The following SPATS2L variants were observed in gnomAD, a reference collection of about 807,000 sequenced individuals.
SPATS2L encodes the protein spermatogenesis associated serine rich 2 like.
In SPATS2L, 30 loss-of-function variants were observed where a neutral mutation model predicts 59.6. The ratio of observed to expected loss-of-function variants is 0.50; its 90% CI spans 0.38 to 0.68. SPATS2L has a LOEUF of 0.68. Among genes scored for constraint, SPATS2L ranks in the 30% least tolerant of loss-of-function variants. SPATS2L has a pLI of 0.00. For synonymous variants in SPATS2L, 252 were observed against 263.5 expected, an observed-to-expected ratio of 0.96 and a Z score of 0.42; for missense variants, 615 against 700.0, an observed-to-expected ratio of 0.88 and a Z score of 1.37.
At position 200,478,699 on chromosome 2, in the gene SPATS2L, A is replaced by G. The variant is rs1574781460; in HGVS notation, c.*668A>G. 1 of 152,514 alleles carries G rather than the reference A, an allele frequency of 6.6e-6. No individual in the cohort carries two copies. Among genetic ancestry groups the G allele is most frequent in the African/African-American group, 2.4e-5 (1 of 41,426 alleles). The allele number at this position is 152,514 out of a possible 1,614,324, so 9.4% of individuals were successfully genotyped here. A position where few individuals can be genotyped will look rare whatever the true frequency, so the allele number is the denominator to read the frequency against. On this transcript the variant is annotated 3_prime_UTR_variant, in exon 13 of 13. Transcript: ENST00000409140. ...AGGAAAATATATATATGCCCTTTCA[A>G]TTAGATTACACAAATAGATGGATAT...
At chr2:200,340,219 G>C (rs953109389) in intron 2 of SPATS2L, among the ~76,000 whole-genome samples, 1 of 152,080 alleles carries the variant, frequency 6.6e-6, no homozygotes, top group Non-Finnish European at 1.5e-5. Flanking sequence ...TGCTGTGCTC[G>C]CAGAGTTTAT....
chr2:200,372,179 C>T, intron 2 of SPATS2L: 1 of 985,400 alleles, frequency 1.0e-6, no homozygotes, highest in South Asian at 4.7e-5. Context: ...CGGGAAAAGA[C>T]TGCAAAAACA....
chr2:200,382,494 G>A (rs762637791), intron 2 of SPATS2L, among the ~76,000 whole-genome samples: 1 of 152,214 alleles, frequency 6.6e-6, no homozygotes, highest in Non-Finnish European at 1.5e-5. Flanking sequence ...GGGCCTGTCT[G>A]GCCTGAGAAG....
At chr2:200,469,109 A>T (rs751990387) in intron 10 of SPATS2L, among the ~76,000 whole-genome samples, 6 of 152,238 alleles carry the variant, frequency 3.9e-5, no homozygotes, top group Non-Finnish European at 7.3e-5. Flanking sequence ...CTGTGATCAG[A>T]TGAAATGAGA....
rs2081587643 is a variant in SPATS2L at position 200,376,028 on chromosome 2, AG to A, written c.-22-13193del. 2.6e-5 allele frequency among the ~76,000 whole-genome samples: 4 copies of A among 152,370 alleles called. No homozygotes were observed. In the South Asian group the frequency reaches 8.3e-4, roughly 32 times the overall value. On this transcript the variant is annotated intron_variant, in intron 2 of 12. Transcript: ENST00000409140. The stretch of plus-strand genomic sequence containing the variant: ...ATTAAAAATTCATTGCAAGCAAGAC[AG>A]GAAGAATAAAATGAGAGGACATTTA...
At chr2:200,346,097 G>A (rs2080502973) in intron 2 of SPATS2L, among the ~76,000 whole-genome samples, 1 of 152,134 alleles carries the variant, frequency 6.6e-6, no homozygotes. Flanking sequence ...ATCACCCTTG[G>A]CAGATGTCAT....
chr2:200,469,681 C>A (rs17532280), intron 10 of SPATS2L: 114,698 of 466,952 alleles, frequency 0.25, 15,641 homozygotes, highest in Middle Eastern at 0.34. Context: ...TTCATGTAGG[C>A]CCAAACAAGA....
At chr2:200,325,210 A>G (rs1441772419) in intron 1 of SPATS2L, among the ~76,000 whole-genome samples, 1 of 152,138 alleles carries the variant, frequency 6.6e-6, no homozygotes, top group Non-Finnish European at 1.5e-5. Context: ...GAATGACAAC[A>G]TGGAAAATAT....
intron 2 of SPATS2L, among the ~76,000 whole-genome samples, chr2:200,333,940 G>A (rs2080048366): frequency 6.6e-6 from 1 of 152,062 alleles, no homozygotes; most frequent in Non-Finnish European, 1.5e-5. Context: ...CTTTGCTATT[G>A]TGAATAGTGC....
chr2:200,331,732 C>T (rs1265471563), intron 2 of SPATS2L, among the ~76,000 whole-genome samples: 1 of 151,946 alleles, frequency 6.6e-6, no homozygotes, highest in Admixed American at 6.6e-5. Context: ...TAAACAAGCC[C>T]ATATATGGAA....
chr2:200,471,460 C>CTT (rs143956771), intron 11 of SPATS2L, among the ~76,000 whole-genome samples: 3,601 of 152,240 alleles, frequency 0.024, 144 homozygotes, highest in African/African-American at 0.082. Flanking sequence ...CCTTCACCTC[C>CTT]TTTCCTCCTG....
At chr2:200,407,590 T>A (rs867090144) in intron 3 of SPATS2L, among the ~76,000 whole-genome samples, 1 of 152,222 alleles carries the variant, frequency 6.6e-6, no homozygotes. Flanking sequence ...CTTGGAAGGA[T>A]AGACAGGCAG....
At chr2:200,410,045 C>T (rs2082821613) in intron 3 of SPATS2L, among the ~76,000 whole-genome samples, 1 of 152,022 alleles carries the variant, frequency 6.6e-6, no homozygotes, top group Admixed American at 6.6e-5. Context: ...TTGCAGTTCA[C>T]ACAGCTGTGT....
At chr2:200,321,376 A>C (rs918113910) in intron 1 of SPATS2L, among the ~76,000 whole-genome samples, 1 of 152,218 alleles carries the variant, frequency 6.6e-6, no homozygotes, top group South Asian at 2.1e-4. Flanking sequence ...ATAATACTAT[A>C]TACCTAGTAA....
In SPATS2L at chr2:200,404,701, C is replaced by T. The variant is rs576112063; in HGVS notation, c.40-7610C>T. On this transcript the variant is annotated intron_variant, in intron 3 of 12. Coordinates refer to ENST00000409140, the MANE Select transcript of SPATS2L (RefSeq NM_001100423.2). ...AACTTCAGCAGCTTAAAACAACACACATTGATTATCTTCTAGTTCTGGAGG... is the reference window on the plus strand; with the variant it reads ...AACTTCAGCAGCTTAAAACAACACATATTGATTATCTTCTAGTTCTGGAGG... Among the ~76,000 whole-genome samples the T allele has an allele frequency of 2.0e-5, 3 of 152,338 alleles. No individual in the cohort carries two copies. The South Asian group carries it at 6.2e-4, about 32-fold the overall frequency.
intron 2 of SPATS2L, among the ~76,000 whole-genome samples, chr2:200,332,748 A>G (rs1217520440): frequency 1.9e-5 from 1 of 53,924 alleles, no homozygotes; most frequent in Non-Finnish European, 4.7e-5. Flanking sequence ...TTTTTTTTTG[A>G]AAAAAAAAAA....
chr2:200,456,248 G>C (rs2085827242), intron 8 of SPATS2L, among the ~76,000 whole-genome samples: 1 of 152,172 alleles, frequency 6.6e-6, no homozygotes, highest in South Asian at 2.1e-4. Flanking sequence ...TCACTGACTT[G>C]CCTTTGTGCA....
At position 200,479,857 on chromosome 2, in the gene SPATS2L, C is replaced by G. The variant is rs1394106625; in HGVS notation, c.*1826C>G. The G allele has an allele frequency of 2.5e-6, 1 of 397,806 alleles. No individual in the cohort carries two copies. Among genetic ancestry groups the G allele is most frequent in the Non-Finnish European group, 4.4e-6 (1 of 226,002 alleles). 24.6% of individuals were successfully genotyped at this position (397,806 alleles called of 1,614,324 possible). On this transcript the variant is annotated 3_prime_UTR_variant, in exon 13 of 13. Transcript: ENST00000409140. The stretch of plus-strand genomic sequence containing the variant: ...GGATGTTTGCTCTCTCTGTAGAGAG[C>G]TTTCTGAGGTCTCTGGGTGTACCCA...
At chr2:200,431,812 C>T (rs2083951034) in intron 6 of SPATS2L, among the ~76,000 whole-genome samples, 1 of 152,152 alleles carries the variant, frequency 6.6e-6, no homozygotes, top group Non-Finnish European at 1.5e-5. Context: ...TATATTTCCC[C>T]CAAGAGGAGG....
Sources: gnomAD v4.1 joint callset for allele counts (sites outside exome capture counted in the v4.1 genomes callset) on GRCh38, gnomAD v4.1.1 for gene constraint, MANE v1.5 for transcripts, NCBI Gene and HGNC (gene_info 2026-07-23, HGNC 2026-07-21) for gene names.